CCAR2: variants seen among roughly 807,000 people sequenced by gnomAD.
CCAR2 encodes the protein cell cycle and apoptosis regulator protein 2.
In CCAR2, 21 loss-of-function variants were observed where a neutral mutation model predicts 108.1. That is an observed-to-expected ratio of 0.19 (90% CI 0.14 to 0.28). The LOEUF (loss-of-function observed/expected upper bound fraction) is 0.28, where lower values mean the gene tolerates loss of function less well. CCAR2 is among the 10% of genes least tolerant of loss of function. The pLI is 1.00. For missense variants in CCAR2, 1,126 were observed against 1,177.0 expected, an observed-to-expected ratio of 0.96 and a Z score of 0.63; for synonymous variants, 577 against 472.8, an observed-to-expected ratio of 1.22 and a Z score of -2.86.
chr8:22,617,884 ATGGACCCAACACACAGTG>A, intron 16 of CCAR2, 106 bp downstream of exon 16: 1 of 1,170,728 alleles, frequency 8.5e-7, no homozygotes, highest in Non-Finnish European at 1.3e-6. Flanking sequence ...TCCTTTCTTG[ATGGACCCAACACACAGTG>A]TGGTCCTTGG....
At chr8:22,611,388 A>ATATGTGTGTGTGGGTG (rs1554559973) in intron 7 of CCAR2, among the ~76,000 whole-genome samples, 1 of 128,478 alleles carries the variant, frequency 7.8e-6, no homozygotes, top group Non-Finnish European at 1.6e-5. Context: ...AAGTATATAT[A>ATATGTGTGTGTGGGTG]TGTGTGTGTG....
chr8:22,618,784 T>C (rs1277284691), intron 18 of CCAR2, 43 bp from the exon 19 acceptor site: 5 of 1,613,204 alleles, frequency 3.1e-6, no homozygotes, highest in Non-Finnish European at 4.2e-6. Context: ...GGCTGCCCTC[T>C]CTGGAGACTC....
chr8:22,619,082 C>T lies in CCAR2; in HGVS notation c.2521+67C>T. ...ACCAGTAGGGAACCTGCTGCTTAGG[C>T]TCAGGCCCTGCCCTGTGCTCTGGGC... On this transcript the variant is annotated intron_variant, in intron 19 of 20. Coordinates refer to ENST00000308511, the MANE Select transcript of CCAR2 (RefSeq NM_001393997.1). 1.9e-6 allele frequency: 3 copies of T among 1,599,548 alleles called. No homozygotes were observed. The Admixed American group carries it at 5.1e-5, about 27-fold the overall frequency.
chr8:22,607,114 A>G lies in CCAR2; in HGVS notation c.358-82A>G, dbSNP rs943452085. ...GCTGGGCAAAACCCTGACTTTTGTCAGGGGGGTGGGACTGCATCTTTCCAA... is the reference window on the plus strand; with the variant it reads ...GCTGGGCAAAACCCTGACTTTTGTCGGGGGGGTGGGACTGCATCTTTCCAA... On this transcript the variant is annotated intron_variant, in intron 5 of 20. Coordinates refer to ENST00000308511, the MANE Select transcript of CCAR2 (RefSeq NM_001393997.1). 4 of 1,608,206 alleles carry G rather than the reference A, an allele frequency of 2.5e-6. No homozygotes were observed. In the East Asian group the frequency reaches 8.9e-5, roughly 36 times the overall value.
At chr8:22,617,608 G>C (rs200696691) in intron 15 of CCAR2, 44 bp downstream of exon 15, 1 of 1,610,562 alleles carries the variant, frequency 6.2e-7, no homozygotes, top group Non-Finnish European at 8.5e-7. Context: ...TTGGGATGTG[G>C]CTTTCCACCT....
At position 22,619,891 on chromosome 8, in the gene CCAR2, AACAACTAAAT is replaced by A. The variant is rs1327676081; in HGVS notation, c.*215_*224del. 1.4e-5 allele frequency: 8 copies of A among 591,388 alleles called. No individual in the cohort carries two copies. The highest frequency in any genetic ancestry group is 2.4e-5 in the Non-Finnish European group (8 of 330,942). The allele number at this position is 591,388 out of a possible 1,614,324, so 36.6% of individuals were successfully genotyped here. On this transcript the variant is annotated 3_prime_UTR_variant, in exon 21 of 21. Transcript: ENST00000308511. The stretch of plus-strand genomic sequence containing the variant: ...TGTGTGAGGAACCCCGGTTCCACTT[AACAACTAAAT>A]ACAACATCTTTTGCACCCCTAGAAT...
intron 16 of CCAR2, 34 bp downstream of exon 16, chr8:22,617,812 T>C: frequency 5.0e-6 from 8 of 1,607,480 alleles, no homozygotes; most frequent in Non-Finnish European, 6.0e-6. Context: ...TGGGTCTCAG[T>C]GGTGGTGAGG....
chr8:22,616,497 G>T (rs1213066806), intron 14 of CCAR2: 2 of 546,846 alleles, frequency 3.7e-6, no homozygotes, highest in Non-Finnish European at 6.5e-6. Flanking sequence ...GCAGAGTGGG[G>T]TGCTTTGATT....
In CCAR2 at chr8:22,618,731, A is replaced by G. The variant is rs1277760790; in HGVS notation, c.2332+3A>G. The G allele has an allele frequency of 1.9e-6, 3 of 1,613,778 alleles. No individual in the cohort carries two copies. The highest frequency in any genetic ancestry group is 1.3e-5 in the African/African-American group (1 of 74,928). ...CCTTCCCGAGGAGGTGCTCTTCGGT[A>G]TGTTCTGGGGCCCTGCAGCCTTCCT... On this transcript the variant is annotated splice_donor_region_variant and intron_variant, in intron 18 of 20. Coordinates refer to ENST00000308511, the MANE Select transcript of CCAR2 (RefSeq NM_001393997.1).
intron 1 of CCAR2, 94 bp downstream of exon 1, chr8:22,604,936 G>C (rs1801005329): frequency 1.4e-5 from 5 of 356,414 alleles, no homozygotes; most frequent in East Asian, 8.9e-5. Context: ...GCGAAGATGC[G>C]TGGGGCGCGG....
At position 22,618,821 on chromosome 8, in the gene CCAR2, C is replaced by T. The variant is rs763205523; in HGVS notation, c.2333-6C>T. 39 of 1,613,302 alleles carry T rather than the reference C, an allele frequency of 2.4e-5. No homozygotes were observed. Among genetic ancestry groups the T allele is most frequent in the Non-Finnish European group, 3.1e-5 (37 of 1,179,820 alleles). On this transcript the variant is annotated splice_polypyrimidine_tract_variant and splice_region_variant and intron_variant, in intron 18 of 20. Coordinates refer to ENST00000308511, the MANE Select transcript of CCAR2 (RefSeq NM_001393997.1). ...ATCCTGAATTCTTTTTCACGGTTCT[C>T]TCTAGGAAACCTGGACCTGCTGCCC...
intron 18 of CCAR2, 43 bp downstream of exon 18, chr8:22,618,771 G>A: frequency 6.2e-7 from 1 of 1,613,010 alleles, no homozygotes; most frequent in Non-Finnish European, 8.5e-7. Flanking sequence ...CACGGGCAGG[G>A]CAGGCTGCCC....
At chr8:22,616,306 C>T (rs1801507330) in intron 14 of CCAR2, 58 bp downstream of exon 14, 6 of 1,528,392 alleles carry the variant, frequency 3.9e-6, no homozygotes, top group Admixed American at 1.7e-5. Context: ...GCACCTTTAC[C>T]CCGGGCTCTG....
chr8:22,610,830 A>G (rs1210122522), intron 7 of CCAR2, among the ~76,000 whole-genome samples: 1 of 152,200 alleles, frequency 6.6e-6, no homozygotes, highest in East Asian at 1.9e-4. Context: ...GAGAAATGGC[A>G]GTGGGTTTTA....
At chr8:22,617,244 C>CCTGGCATGCTCTG (rs1801560215) in intron 14 of CCAR2, 176 bp from the exon 15 acceptor site, 2 of 686,022 alleles carry the variant, frequency 2.9e-6, no homozygotes, top group South Asian at 8.5e-5. Context: ...CTGGCGATGC[C>CCTGGCATGCTCTG]CTGGCATGCT....
intron 8 of CCAR2, among the ~76,000 whole-genome samples, chr8:22,613,355 C>CTTTTTTTTT (rs5890057): frequency 7.9e-6 from 1 of 125,844 alleles, no homozygotes; most frequent in Non-Finnish European, 1.7e-5. Context: ...AGATCTAGTT[C>CTTTTTTTTT]TTTTTTTTTT....
chr8:22,609,084 T>A (rs1585155044), intron 7 of CCAR2, among the ~76,000 whole-genome samples: 1 of 147,926 alleles, frequency 6.8e-6, no homozygotes, highest in East Asian at 2.0e-4. Context: ...AAGGGCTTGC[T>A]CCGTCACCCA....
intron 13 of CCAR2, 22 bp downstream of exon 13, chr8:22,615,934 G>A: frequency 6.2e-7 from 1 of 1,613,606 alleles, no homozygotes; most frequent in Admixed American, 1.7e-5. Flanking sequence ...GAGTCTTGGG[G>A]AGGCTGTGGG....
At chr8:22,616,942 C>T (rs184061163) in intron 14 of CCAR2, among the ~76,000 whole-genome samples, 126 of 80,442 alleles carry the variant, frequency 1.6e-3, no homozygotes, top group Admixed American at 2.9e-3. Context: ...AGTGCAGTGG[C>T]GCAACCTCGG....
Sources: allele counts gnomAD v4.1 joint callset (sites outside exome capture counted in the v4.1 genomes callset), GRCh38; gene constraint gnomAD v4.1.1; transcripts MANE v1.5; gene names NCBI Gene and HGNC (gene_info 2026-07-23, HGNC 2026-07-21).